WDR20: variants seen among roughly 807,000 people sequenced by gnomAD.
The protein encoded by WDR20 is WD repeat-containing protein 20.
Under a neutral mutation model 38.7 loss-of-function variants are expected in WDR20, and 3 were observed. The ratio of observed to expected loss-of-function variants is 0.08; its 90% CI spans 0.04 to 0.20. The LOEUF is 0.20. Ranked by LOEUF, WDR20 falls within the 10% of genes least tolerant of loss-of-function variation. The pLI is 1.00. For synonymous variants in WDR20, 298 were observed against 285.6 expected (o/e 1.04, Z -0.44); for missense variants, 559 against 727.7 (o/e 0.77, Z 2.67).
chr14:102,155,575 C>T (rs1327144568), intron 1 of WDR20, among the ~76,000 whole-genome samples: 2 of 152,176 alleles, frequency 1.3e-5, no homozygotes, highest in African/African-American at 4.8e-5. Flanking sequence ...ACTATGTCTG[C>T]TCTATTAGAC....
Position 102,210,445 on chromosome 14 carries a change from A to G in WDR20, c.*565A>G, listed in dbSNP as rs752303323. 254 of 985,312 alleles carry G rather than the reference A, an allele frequency of 2.6e-4. No individual in the cohort carries two copies. Among genetic ancestry groups the G allele is most frequent in the Non-Finnish European group, 3.0e-4 (251 of 829,914 alleles). The allele number at this position is 985,312 out of a possible 1,614,324, so 61.0% of individuals were successfully genotyped here. A position where few individuals can be genotyped will look rare whatever the true frequency, so the allele number is the denominator to read the frequency against. On this transcript the variant is annotated 3_prime_UTR_variant, in exon 3 of 3. Transcript: ENST00000342702. ...TACATTGTTCTGGCAATCCACAGAA[A>G]GAGAAGAGCCTTAATTTTTAAAACC... is the stretch of plus-strand genomic sequence containing the variant.
At chr14:102,162,112 G>A (rs751912405) in intron 1 of WDR20, among the ~76,000 whole-genome samples, 4 of 152,190 alleles carry the variant, frequency 2.6e-5, no homozygotes, top group Non-Finnish European at 5.9e-5. Flanking sequence ...TATTGGATAA[G>A]CGAGTAAGAA....
chr14:102,208,879 T>G lies in WDR20; in HGVS notation c.709T>G (p.Cys237Gly), dbSNP rs1255759385. The change falls in exon 3 of 3, where the codon TGC becomes GGC. Residue 237 changes from cysteine to glycine, a missense_variant. Transcript: ENST00000342702. The surrounding 1 kb of genome is among the most constrained non-coding windows in gnomAD (Gnocchi z 5.6). ...CTCCCCAGATGGCAAGTTCTTAGCG[T>G]GCGTGAGCCAGGACGGGTTTCTGCG... ...AFSPDGKFLA[C>G]VSQDGFLRVF... 1.2e-6 allele frequency: 2 copies of G among 1,614,108 alleles called. No individual in the cohort carries two copies. The highest frequency in any genetic ancestry group is 2.7e-5 in the African/African-American group (2 of 74,940).
intron 1 of WDR20, among the ~76,000 whole-genome samples, chr14:102,151,380 G>GT (rs1389744238): frequency 2.0e-5 from 3 of 151,564 alleles, no homozygotes; most frequent in Non-Finnish European, 4.4e-5. Context: ...ATTAGGAGGT[G>GT]TTTTTTTGTT....
chr14:102,216,550 T>G (rs2063242941), downstream of WDR20, among the ~76,000 whole-genome samples: 2 of 152,258 alleles, frequency 1.3e-5, no homozygotes, highest in African/African-American at 4.8e-5. Context: ...GACTATTAAG[T>G]TGACAGCAAG....
At chr14:102,214,551 T>G, downstream of WDR20, 7 of 985,470 alleles carry the variant, frequency 7.1e-6, no homozygotes, top group Non-Finnish European at 8.4e-6. Flanking sequence ...TGTCATAAAT[T>G]GCTATCCTTT....
chr14:102,141,863 TAAA>T (rs1189325772), intron 1 of WDR20, among the ~76,000 whole-genome samples: 1 of 152,190 alleles, frequency 6.6e-6, no homozygotes, highest in African/African-American at 2.4e-5. Flanking sequence ...ACGATGTGCT[TAAA>T]AACTAAATTC....
At chr14:102,151,338 C>T (rs1316171308) in intron 1 of WDR20, among the ~76,000 whole-genome samples, 1 of 152,002 alleles carries the variant, frequency 6.6e-6, no homozygotes, top group Non-Finnish European at 1.5e-5. Context: ...TGATGTGATT[C>T]CTGAGAGTGG....
chr14:102,176,890 G>A (rs1039849507), intron 1 of WDR20, among the ~76,000 whole-genome samples: 2 of 152,006 alleles, frequency 1.3e-5, no homozygotes, highest in Admixed American at 6.6e-5. Flanking sequence ...CATCACGCCC[G>A]GCTAATTATT....
At chr14:102,165,809 T>A (rs542345091) in intron 1 of WDR20, among the ~76,000 whole-genome samples, 91 of 151,780 alleles carry the variant, frequency 6.0e-4, no homozygotes, top group African/African-American at 2.1e-3. Flanking sequence ...GCTAATTTTT[T>A]ATTTTTTTTT....
chr14:102,165,807 T>C (rs1251427716), intron 1 of WDR20, among the ~76,000 whole-genome samples: 1 of 151,764 alleles, frequency 6.6e-6, no homozygotes, highest in Non-Finnish European at 1.5e-5. Context: ...TAGCTAATTT[T>C]TTATTTTTTT....
At chr14:102,156,140 A>G (rs974143618) in intron 1 of WDR20, among the ~76,000 whole-genome samples, 2 of 150,482 alleles carry the variant, frequency 1.3e-5, no homozygotes, top group African/African-American at 4.9e-5. Context: ...TATCATTTAC[A>G]TCCATCACTA....
intron 1 of WDR20, among the ~76,000 whole-genome samples, chr14:102,161,142 A>ATATATATATATGTATATATATTTTTTTTT (rs1342924049): frequency 6.2e-5 from 1 of 16,032 alleles, no homozygotes; most frequent in Non-Finnish European, 9.5e-5. Context: ...ATATATATAT[A>ATATATATATATGTATATATATTTTTTTTT]TTTTTTTTTT....
At chr14:102,153,904 G>T (rs528465674) in intron 1 of WDR20, among the ~76,000 whole-genome samples, 1 of 152,328 alleles carries the variant, frequency 6.6e-6, no homozygotes, top group Non-Finnish European at 1.5e-5. Context: ...AATACCCTTT[G>T]TCTGGGTACA....
intron 1 of WDR20, among the ~76,000 whole-genome samples, chr14:102,189,235 A>C (rs770982859): frequency 2.0e-5 from 3 of 152,182 alleles, no homozygotes; most frequent in Admixed American, 6.5e-5. Context: ...AATGAAGAAA[A>C]AGAAAAAGTC....
At chr14:102,197,605 G>T in intron 2 of WDR20, 1 of 591,990 alleles carries the variant, frequency 1.7e-6, no homozygotes, top group Non-Finnish European at 3.0e-6. Flanking sequence ...GAGTGTCAGA[G>T]TTCGAAGCTG....
At chr14:102,139,622 C>T, upstream of WDR20, 2 of 644,828 alleles carry the variant, frequency 3.1e-6, no homozygotes, top group Non-Finnish European at 5.3e-6. Context: ...GAACGGTCAA[C>T]TAGACCCCAC....
At position 102,208,532 on chromosome 14, in the gene WDR20, G is replaced by A. The variant is rs2061974692; in HGVS notation, c.433-71G>A. The A allele has an allele frequency of 1.3e-6, 2 of 1,517,610 alleles. No homozygotes were observed. Among genetic ancestry groups the A allele is most frequent in the African/African-American group, 1.4e-5 (1 of 72,020 alleles). The allele number at this position is 1,517,610 out of a possible 1,614,324, so 94.0% of individuals were successfully genotyped here. ...CCCCTTCCCATCGAGAAGCACACAA[G>A]TTTTCTTGCTGGAAAAGTAGACCTT... On this transcript the variant is annotated intron_variant, in intron 2 of 2. Transcript: ENST00000342702. This position sits in a 1 kb window ranked among gnomAD's most constrained non-coding sequence, Gnocchi z 5.6.
chr14:102,213,703 T>G (rs527716573), downstream of WDR20: 365 of 985,308 alleles, frequency 3.7e-4, no homozygotes, highest in Non-Finnish European at 4.3e-4. Flanking sequence ...TGGGGTTCAT[T>G]TTAAATAATA....
Sources: gnomAD v4.1 joint callset for allele counts (sites outside exome capture counted in the v4.1 genomes callset) on GRCh38, gnomAD v4.1.1 for gene constraint, Gnocchi (gnomAD v3.1) non-coding constraint, MANE v1.5 for transcripts, NCBI Gene and HGNC (gene_info 2026-07-23, HGNC 2026-07-21) for gene names.